NPFFR2: variants seen among roughly 807,000 people sequenced by gnomAD.
NPFFR2 encodes the protein neuropeptide FF receptor 2, also known as G-protein coupled receptor 74.
NPFFR2 carries 15 observed loss-of-function variants against 13.1 expected under a neutral mutation model. That is an observed-to-expected ratio of 1.15 (90% CI 0.77 to 1.76). The LOEUF is 1.76. Among genes scored for constraint, NPFFR2 ranks in the 40% most tolerant of loss-of-function variants. The pLI is 0.00. For missense variants in NPFFR2, 572 were observed against 503.5 expected, an observed-to-expected ratio of 1.14 and a Z score of -1.30; for synonymous variants, 190 against 175.7, an observed-to-expected ratio of 1.08 and a Z score of -0.65.
intron 1 of NPFFR2, among the ~76,000 whole-genome samples, chr4:72,098,077 A>C (rs187466100): frequency 5.9e-5 from 9 of 152,332 alleles, no homozygotes; most frequent in Middle Eastern, 3.4e-3. Context: ...TAACTTAAAG[A>C]ATCTCTAAGC....
rs146220854 is a variant in NPFFR2 at position 72,140,884 on chromosome 4, T to C, written c.428+2745T>C. ...CTGGTAGAATTCAGCTGTGAATTCGTCTCGTCCTGGACTTTTTTTGGTTGG... is the reference window on the plus strand; with the variant it reads ...CTGGTAGAATTCAGCTGTGAATTCGCCTCGTCCTGGACTTTTTTTGGTTGG... On this transcript the variant is annotated intron_variant, in intron 3 of 3. Transcript: ENST00000308744. Among the ~76,000 whole-genome samples, 1,256 of 152,250 alleles carry C rather than the reference T, an allele frequency of 8.2e-3. 18 individuals carry two copies. Among genetic ancestry groups the C allele is most frequent in the African/African-American group, 0.029 (1,212 of 41,532 alleles).
chr4:72,085,192 A>C (rs999551488), intron 1 of NPFFR2, among the ~76,000 whole-genome samples: 1 of 152,168 alleles, frequency 6.6e-6, no homozygotes, highest in Non-Finnish European at 1.5e-5. Flanking sequence ...TCTTCAGCCC[A>C]TATTAGTTTT....
chr4:72,091,615 G>A (rs975691840), intron 1 of NPFFR2, among the ~76,000 whole-genome samples: 1 of 152,054 alleles, frequency 6.6e-6, no homozygotes, highest in Non-Finnish European at 1.5e-5. Flanking sequence ...TCTAGTGTAT[G>A]TGTGAAAAGG....
At chr4:72,034,603 T>C (rs1411191103) in intron 1 of NPFFR2, among the ~76,000 whole-genome samples, 6 of 152,234 alleles carry the variant, frequency 3.9e-5, no homozygotes, top group Non-Finnish European at 7.3e-5. Flanking sequence ...ATTTATATAG[T>C]ATTTTAATAA....
intron 1 of NPFFR2, among the ~76,000 whole-genome samples, chr4:72,097,588 C>A (rs1393721301): frequency 1.3e-5 from 2 of 152,074 alleles, no homozygotes. Flanking sequence ...TCCTTGTTTT[C>A]TTCCTGCTTC....
Position 72,128,788 on chromosome 4 carries a change from T to C in NPFFR2, c.197T>C (p.Val66Ala). The part of the protein sequence containing the change: ...FFLCMMGNTV[V>A]CFIVMRNKHM... ...TTGTGCATGATGGGAAATACTGTGG[T>C]TTGCTTTATTGTAATGAGGAACAAA... Residue 66 changes from valine to alanine, a missense_variant, in exon 2 of 4, where the codon GTT (valine) becomes GCT (alanine). Coordinates refer to ENST00000308744, the MANE Select transcript of NPFFR2 (RefSeq NM_004885.3). 2 of 1,614,128 alleles carry C rather than the reference T, an allele frequency of 1.2e-6. No individual in the cohort carries two copies. The highest frequency in any genetic ancestry group is 1.3e-5 in the African/African-American group (1 of 75,054).
chr4:72,049,557 T>G (rs1719480717), intron 1 of NPFFR2, among the ~76,000 whole-genome samples: 1 of 152,068 alleles, frequency 6.6e-6, no homozygotes, highest in African/African-American at 2.4e-5. Flanking sequence ...GGAAAAAGTT[T>G]GGTAGGAGAA....
At chr4:72,041,373 C>A (rs1719215466) in intron 1 of NPFFR2, among the ~76,000 whole-genome samples, 1 of 152,118 alleles carries the variant, frequency 6.6e-6, no homozygotes, top group South Asian at 2.1e-4. Context: ...GTATATGTAT[C>A]ATATTTTTTA....
chr4:72,072,421 A>G (rs907943671), intron 1 of NPFFR2, among the ~76,000 whole-genome samples: 5 of 152,152 alleles, frequency 3.3e-5, no homozygotes, highest in African/African-American at 1.2e-4. Context: ...CAAAAAAAAT[A>G]ACTGAAATGA....
chr4:72,056,377 A>T (rs932171087), intron 1 of NPFFR2, among the ~76,000 whole-genome samples: 2 of 152,000 alleles, frequency 1.3e-5, no homozygotes, highest in African/African-American at 4.8e-5. Context: ...CTTTCAGCCC[A>T]CTATGGAGAC....
intron 1 of NPFFR2, among the ~76,000 whole-genome samples, chr4:72,121,260 C>A (rs1194088251): frequency 6.6e-6 from 1 of 151,930 alleles, no homozygotes; most frequent in Non-Finnish European, 1.5e-5. Context: ...GTGAAAAGAC[C>A]AAACCTTTGT....
At chr4:72,077,461 T>C (rs1720481561) in intron 1 of NPFFR2, among the ~76,000 whole-genome samples, 1 of 152,162 alleles carries the variant, frequency 6.6e-6, no homozygotes, top group Non-Finnish European at 1.5e-5. Flanking sequence ...AACTGAGGTT[T>C]CTTGCTTTTT....
chr4:72,075,647 A>G (rs898251239), intron 1 of NPFFR2, among the ~76,000 whole-genome samples: 1 of 152,090 alleles, frequency 6.6e-6, no homozygotes, highest in African/African-American at 2.4e-5. Context: ...TCTCAGGTAC[A>G]TGTAGGACAT....
At chr4:72,049,333 A>G (rs933647293) in intron 1 of NPFFR2, among the ~76,000 whole-genome samples, 2 of 152,130 alleles carry the variant, frequency 1.3e-5, no homozygotes, top group Non-Finnish European at 2.9e-5. Flanking sequence ...GCATCAACTT[A>G]GTGTCCTCAT....
intron 1 of NPFFR2, among the ~76,000 whole-genome samples, chr4:72,089,559 C>T (rs916186777): frequency 6.6e-5 from 10 of 152,108 alleles, no homozygotes; most frequent in African/African-American, 2.4e-4. Flanking sequence ...TTTTGATTTG[C>T]ATTTCTCTGA....
At chr4:72,126,856 G>C (rs1263727696) in intron 1 of NPFFR2, among the ~76,000 whole-genome samples, 1 of 152,174 alleles carries the variant, frequency 6.6e-6, no homozygotes, top group Non-Finnish European at 1.5e-5. Context: ...CTAATTTCCT[G>C]CAGTCTTCAC....
At chr4:72,144,641 CTTAAA>C (rs1722723453) in intron 3 of NPFFR2, among the ~76,000 whole-genome samples, 1 of 152,122 alleles carries the variant, frequency 6.6e-6, no homozygotes, top group Admixed American at 6.6e-5. Flanking sequence ...CAAAAGGCAC[CTTAAA>C]TTAAACATGC....
intron 1 of NPFFR2, among the ~76,000 whole-genome samples, chr4:72,096,752 C>T (rs1721085388): frequency 6.6e-6 from 1 of 151,992 alleles, no homozygotes; most frequent in South Asian, 2.1e-4. Flanking sequence ...ATGTATTCAA[C>T]AAATTGTTTT....
At chr4:72,057,097 TAAAC>T (rs972457551) in intron 1 of NPFFR2, among the ~76,000 whole-genome samples, 16 of 151,872 alleles carry the variant, frequency 1.1e-4, no homozygotes, top group African/African-American at 3.9e-4. Flanking sequence ...CATACTGAAA[TAAAC>T]AAATAGAAGA....
Sources: allele counts gnomAD v4.1 joint callset (sites outside exome capture counted in the v4.1 genomes callset), GRCh38; gene constraint gnomAD v4.1.1; transcripts MANE v1.5; gene names NCBI Gene and HGNC (gene_info 2026-07-23, HGNC 2026-07-21).